Variants in RAD54B observed in about 807,000 individuals in gnomAD.
The protein encoded by RAD54B is DNA repair and recombination protein RAD54B.
In RAD54B, 78 loss-of-function variants were observed where a neutral mutation model predicts 95.8. The observed-to-expected ratio is 0.81, with a 90% CI of 0.68 to 0.98. RAD54B has a LOEUF of 0.98. Ranked by LOEUF, RAD54B falls within the 50% of genes least tolerant of loss-of-function variation. RAD54B has a pLI of 0.00. For missense variants in RAD54B, 957 were observed against 1,056.6 expected (o/e 0.91, Z 1.31); for synonymous variants, 328 against 354.9 (o/e 0.92, Z 0.85).
At chr8:94,399,739 C>T in intron 7 of RAD54B, 118 bp from the exon 8 acceptor site, 2 of 1,322,658 alleles carry the variant, frequency 1.5e-6, no homozygotes, top group Non-Finnish European at 2.0e-6. Context: ...CTCTTTCTGT[C>T]TTAGTCAACT....
chr8:94,400,868 T>G (rs1322411044), intron 6 of RAD54B, among the ~76,000 whole-genome samples: 1 of 152,130 alleles, frequency 6.6e-6, no homozygotes, highest in Non-Finnish European at 1.5e-5. Flanking sequence ...ATCAGCAAGA[T>G]CTACTGAGCT....
At chr8:94,400,972 T>A (rs2450561) in intron 6 of RAD54B, among the ~76,000 whole-genome samples, 1 of 152,182 alleles carries the variant, frequency 6.6e-6, no homozygotes, top group African/African-American at 2.4e-5. Context: ...ATATAATACA[T>A]ATAATTTAGT....
intron 3 of RAD54B, among the ~76,000 whole-genome samples, chr8:94,441,253 TA>T (rs1298379595): frequency 2.0e-5 from 3 of 152,176 alleles, no homozygotes; most frequent in Non-Finnish European, 4.4e-5. Context: ...CCCAGCTGAA[TA>T]AAGCCCTTCC....
chr8:94,387,176 T>C lies in RAD54B; in HGVS notation c.1810-17A>G, dbSNP rs780886169. On this transcript the variant is annotated splice_polypyrimidine_tract_variant and intron_variant, in intron 10 of 14. Coordinates refer to ENST00000336148, the MANE Select transcript of RAD54B (RefSeq NM_012415.3). ...TTCCTTTTCCTATTCAAAATGATGATTGTTAATGCTGGCTCAAGTTTGTTT... is the reference window on the plus strand; with the variant it reads ...TTCCTTTTCCTATTCAAAATGATGACTGTTAATGCTGGCTCAAGTTTGTTT... The C allele has an allele frequency of 1.3e-6, 2 of 1,534,466 alleles. No homozygotes were observed. Among genetic ancestry groups the C allele is most frequent in the Non-Finnish European group, 1.7e-6 (2 of 1,143,180 alleles).
intron 3 of RAD54B, chr8:94,432,653 T>G: frequency 6.5e-7 from 1 of 1,528,802 alleles, no homozygotes; most frequent in Non-Finnish European, 8.8e-7. Flanking sequence ...CATCCAAGTT[T>G]GCACTATAGC....
intron 3 of RAD54B, among the ~76,000 whole-genome samples, chr8:94,422,587 CAAAAAAAAAAAAAAAAAAAA>C (rs60701725): frequency 3.5e-4 from 5 of 14,290 alleles, no homozygotes; most frequent in Admixed American, 3.0e-3. Flanking sequence ...GACTTCGTCT[CAAAAAAAAAAAAAAAAAAAA>C]AAAAAAAAAA....
intron 1 of RAD54B, among the ~76,000 whole-genome samples, chr8:94,470,037 C>G (rs1007398260): frequency 6.6e-6 from 1 of 152,186 alleles, no homozygotes; most frequent in African/African-American, 2.4e-5. Flanking sequence ...CCACAAAACA[C>G]TATTTAACAT....
intron 1 of RAD54B, among the ~76,000 whole-genome samples, 167 bp from the exon 2 acceptor site, chr8:94,467,722 G>C (rs1031969490): frequency 2.6e-5 from 4 of 152,154 alleles, no homozygotes; most frequent in African/African-American, 4.8e-5. Flanking sequence ...TCCTTCAAAG[G>C]AAATTCCAGG....
intron 1 of RAD54B, among the ~76,000 whole-genome samples, chr8:94,468,603 A>C (rs1008202249): frequency 1.3e-5 from 2 of 151,890 alleles, no homozygotes; most frequent in Non-Finnish European, 2.9e-5. Flanking sequence ...AGGCGGGCGG[A>C]TCACGAGGTC....
chr8:94,394,959 C>T (rs929412366), intron 8 of RAD54B, among the ~76,000 whole-genome samples: 1 of 152,028 alleles, frequency 6.6e-6, no homozygotes, highest in Non-Finnish European at 1.5e-5. Context: ...CACATCTAGT[C>T]AGTTTTAAAT....
chr8:94,403,496 G>C (rs1428656047), intron 6 of RAD54B, among the ~76,000 whole-genome samples: 1 of 151,988 alleles, frequency 6.6e-6, no homozygotes, highest in Non-Finnish European at 1.5e-5. Flanking sequence ...GGCCAACATG[G>C]TGAAACCCCG....
At position 94,378,343 on chromosome 8, in the gene RAD54B, A is replaced by T. The variant is rs752601314; in HGVS notation, c.2352T>A (p.Ser784Arg). 2.5e-6 allele frequency: 4 copies of T among 1,614,024 alleles called. No homozygotes were observed. In the Admixed American group the frequency reaches 6.7e-5, roughly 27 times the overall value. ...IEEKIYQRQI[S>R]KQGLCGAVVD... ...CAACTGCCCCACAAAGACCTTGCTTACTGATCTGCCTTTGATAGATCTTTT... is the reference window on the plus strand; with the variant it reads ...CAACTGCCCCACAAAGACCTTGCTTTCTGATCTGCCTTTGATAGATCTTTT... Residue 784 changes from serine to arginine, a missense_variant, in exon 14 of 15, where the codon AGT becomes AGA. Ser to Arg is a moderately radical substitution (Grantham distance 110). Coordinates refer to ENST00000336148, the MANE Select transcript of RAD54B (RefSeq NM_012415.3).
intron 2 of RAD54B, among the ~76,000 whole-genome samples, chr8:94,459,850 A>G (rs1285463491): frequency 3.5e-5 from 5 of 142,164 alleles, no homozygotes; most frequent in Non-Finnish European, 7.6e-5. Flanking sequence ...ACAGAACAAG[A>G]CCCTGTCTCA....
intron 3 of RAD54B, chr8:94,430,699 TATA>T: frequency 2.2e-6 from 2 of 896,498 alleles, no homozygotes; most frequent in Non-Finnish European, 2.7e-6. Context: ...ATGTTGTCTG[TATA>T]ATGTTTTAAA....
Position 94,407,875 on chromosome 8 carries a change from AC to A in RAD54B, c.500-156del, listed in dbSNP as rs536792979. On this transcript the variant is annotated intron_variant, in intron 4 of 14. Transcript: ENST00000336148. ...TAATTTAACATTTTGGTTAAAAAAA[AC>A]ATTGAAAATCAAAAGAAATAATACA... is the stretch of plus-strand genomic sequence containing the variant. Among the ~76,000 whole-genome samples the A allele has an allele frequency of 4.1e-4, 62 of 152,276 alleles. 1 individual carries two copies. In the East Asian group the frequency reaches 0.01, roughly 25 times the overall value.
intron 1 of RAD54B, among the ~76,000 whole-genome samples, chr8:94,468,466 T>C (rs1194899845): frequency 1.3e-5 from 2 of 151,408 alleles, no homozygotes; most frequent in African/African-American, 4.9e-5. Flanking sequence ...CCCTGTACTT[T>C]GAAAGGATGA....
chr8:94,450,820 C>CAA lies in RAD54B; in HGVS notation c.304+7446_304+7447dup, dbSNP rs34479705. 6.0e-3 allele frequency among the ~76,000 whole-genome samples: 780 copies of CAA among 130,556 alleles called. 7 individuals are homozygous for CAA. The highest frequency in any genetic ancestry group is 0.021 in the African/African-American group (744 of 34,808). The allele number at this position is 130,556 out of a possible 152,430, so 85.6% of individuals were successfully genotyped here. On this transcript the variant is annotated intron_variant, in intron 3 of 14. Transcript: ENST00000336148. ...GCTTGAATCCAGAATGAGACTGTCT[C>CAA]AAAAAAAAAAAAAATTTACTATTAA...
intron 7 of RAD54B, 107 bp downstream of exon 7, chr8:94,400,131 C>T: frequency 1.0e-6 from 1 of 965,556 alleles, no homozygotes; most frequent in South Asian, 1.7e-5. Context: ...GCTAAAACTC[C>T]ATTTTTGTGC....
chr8:94,453,830 T>C (rs1354876337), intron 3 of RAD54B, among the ~76,000 whole-genome samples: 1 of 152,116 alleles, frequency 6.6e-6, no homozygotes, highest in Non-Finnish European at 1.5e-5. Flanking sequence ...TGCTCTTTTT[T>C]GTCCAGGCTG....
Sources: allele counts gnomAD v4.1 joint callset (sites outside exome capture counted in the v4.1 genomes callset), GRCh38; gene constraint gnomAD v4.1.1; transcripts MANE v1.5; gene names NCBI Gene and HGNC (gene_info 2026-07-23, HGNC 2026-07-21).